The following ILDR1 variants were observed in gnomAD, a reference collection of about 807,000 sequenced individuals.
ILDR1 encodes the protein immunoglobulin-like domain-containing receptor 1.
ILDR1 carries 56 observed loss-of-function variants against 62.4 expected under a neutral mutation model. That is an observed-to-expected ratio of 0.90 (90% CI 0.72 to 1.12). The LOEUF (loss-of-function observed/expected upper bound fraction) is 1.12, where lower values mean the gene tolerates loss of function less well. Ranked by LOEUF, ILDR1 falls within the 50% of genes most tolerant of loss-of-function variation. The pLI is 0.00. For synonymous variants in ILDR1, 284 were observed against 277.8 expected, an observed-to-expected ratio of 1.02 and a Z score of -0.22; for missense variants, 736 against 710.6, an observed-to-expected ratio of 1.04 and a Z score of -0.41.
At chr3:122,029,511 A>AAAAAATAT in the ILDR1 span, among the ~76,000 whole-genome samples, 2 of 139,478 alleles carry the variant, frequency 1.4e-5, no homozygotes, top group African/African-American at 5.7e-5. Flanking sequence ...GTCTAAAAAA[A>AAAAAATAT]ATATATATAT....
chr3:122,018,084 C>T (rs1484102352), intron 1 of ILDR1, among the ~76,000 whole-genome samples: 1 of 152,162 alleles, frequency 6.6e-6, no homozygotes, highest in Non-Finnish European at 1.5e-5. Flanking sequence ...GATAGAGACA[C>T]ATGCACACAT....
the ILDR1 span, among the ~76,000 whole-genome samples, chr3:122,054,829 T>G: frequency 6.6e-6 from 1 of 152,182 alleles, no homozygotes; most frequent in East Asian, 1.9e-4. Context: ...TTTCAGAATA[T>G]TCGCTTTCAT....
chr3:122,023,502 C>T (rs1232196157), upstream of ILDR1, among the ~76,000 whole-genome samples: 3 of 152,132 alleles, frequency 2.0e-5, no homozygotes, highest in African/African-American at 4.8e-5. Context: ...TTCTCCTGAG[C>T]GCATGTCATG....
At chr3:122,045,852 T>TG in the ILDR1 span, among the ~76,000 whole-genome samples, 2 of 151,284 alleles carry the variant, frequency 1.3e-5, no homozygotes, top group Non-Finnish European at 3.0e-5. Context: ...AGCACACTGA[T>TG]GGGTCTTGAC....
chr3:121,988,977 G>A (rs539336359), intron 7 of ILDR1, among the ~76,000 whole-genome samples: 16 of 152,076 alleles, frequency 1.1e-4, no homozygotes, highest in East Asian at 1.9e-4. Flanking sequence ...CCACTTCCTC[G>A]GTGAGGGTGA....
At chr3:121,988,453 C>A in intron 7 of ILDR1, 45 bp from the exon 8 acceptor site, 1 of 1,512,266 alleles carries the variant, frequency 6.6e-7, no homozygotes, top group Non-Finnish European at 9.2e-7. Context: ...CCAGTCAGTG[C>A]AATCCGTCTA....
At chr3:122,053,920 A>G in the ILDR1 span, among the ~76,000 whole-genome samples, 1 of 152,104 alleles carries the variant, frequency 6.6e-6, no homozygotes, top group Admixed American at 6.5e-5. Flanking sequence ...ATCTCATCTT[A>G]TTTCTGATGT....
the ILDR1 span, among the ~76,000 whole-genome samples, chr3:122,045,514 G>T: frequency 6.6e-6 from 1 of 151,738 alleles, no homozygotes; most frequent in African/African-American, 2.4e-5. Context: ...TGTTGACAGT[G>T]GGGTGTTAAA....
chr3:122,013,509 G>A (rs943665851), intron 1 of ILDR1, among the ~76,000 whole-genome samples: 1 of 152,092 alleles, frequency 6.6e-6, no homozygotes, highest in African/African-American at 2.4e-5. Flanking sequence ...ATGCACACAG[G>A]TTCAATGCTA....
rs747424761 is a variant in ILDR1, at chr3:121,988,330, C to T, written c.*37G>A. ...GGTGATGCTGATGACACACAGGAGC[C>T]GAGAAGTAGCCACAGAAGTTGTGCT... On this transcript the variant is annotated 3_prime_UTR_variant, in exon 8 of 8. Transcript: ENST00000344209. 4.1e-5 allele frequency: 66 copies of T among 1,590,622 alleles called. 1 individual carries two copies. Among genetic ancestry groups the T allele is most frequent in the Middle Eastern group, 1.7e-4 (1 of 6,048 alleles).
chr3:121,988,435 A>C (rs766172555), intron 7 of ILDR1, 27 bp from the exon 8 acceptor site: 154 of 1,598,688 alleles, frequency 9.6e-5, no homozygotes, highest in Middle Eastern at 3.3e-4. Context: ...TACACACACA[A>C]AAAAAATCCA....
Position 121,988,194 on chromosome 3 carries a change from C to T in ILDR1, c.*173G>A, listed in dbSNP as rs941380433. 1.5e-6 allele frequency: 1 copy of T among 686,780 alleles called. No homozygotes were observed. Among genetic ancestry groups the T allele is most frequent in the African/African-American group, 1.8e-5 (1 of 56,646 alleles). The allele number at this position is 686,780 out of a possible 1,614,324, so 42.5% of individuals were successfully genotyped here. A position where few individuals can be genotyped will look rare whatever the true frequency, so the allele number is the denominator to read the frequency against. On this transcript the variant is annotated 3_prime_UTR_variant, in exon 8 of 8. Transcript: ENST00000344209. The stretch of plus-strand genomic sequence containing the variant: ...GTGCTGTGATTACAGGTGTGAGCCA[C>T]TATACCCAATCTCAAACTCTTGTAT...
chr3:122,017,056 A>AT (rs577725224), intron 1 of ILDR1, among the ~76,000 whole-genome samples: 1 of 150,816 alleles, frequency 6.6e-6, no homozygotes, highest in South Asian at 2.1e-4. Context: ...ATTTTATTTT[A>AT]TTTATTTATT....
chr3:122,055,570 G>T, the ILDR1 span: 1 of 1,433,176 alleles, frequency 7.0e-7, no homozygotes, highest in South Asian at 1.1e-5. Flanking sequence ...GGCTGAGGTT[G>T]AAGATGGTGC....
chr3:122,034,263 T>A, the ILDR1 span, among the ~76,000 whole-genome samples: 1 of 152,204 alleles, frequency 6.6e-6, no homozygotes, highest in Non-Finnish European at 1.5e-5. Context: ...TAATTTTCAT[T>A]GAGTTCTAGA....
the ILDR1 span, among the ~76,000 whole-genome samples, chr3:122,047,761 C>T: frequency 3.3e-5 from 5 of 152,252 alleles, no homozygotes; most frequent in African/African-American, 1.2e-4. Context: ...AATGCCTCGC[C>T]CTGCTTCGGC....
At position 121,993,668 on chromosome 3, in the gene ILDR1, G is replaced by A. The variant is rs1559870978; in HGVS notation, c.1081C>T (p.Pro361Ser). The change falls in exon 7 of 8, where the codon CCC (proline) becomes TCC (serine). Residue 361 changes from proline to serine, a missense_variant. Coordinates refer to ENST00000344209, the MANE Select transcript of ILDR1 (RefSeq NM_001199799.2). Reference sequence around the variant, plus strand: ...CTTCTCCCCTCCCTCAGATCCCAGGGCCTGGAGGGAATTGGGGTGAGCCAC... The same window carrying A: ...CTTCTCCCCTCCCTCAGATCCCAGGACCTGGAGGGAATTGGGGTGAGCCAC... Reference protein sequence around the residue: ...QQWLTPIPSRPWDLREGRSHH... With the variant: ...QQWLTPIPSRSWDLREGRSHH... 1.2e-6 allele frequency: 2 copies of A among 1,614,214 alleles called. No homozygotes were observed. The highest frequency in any genetic ancestry group is 1.7e-6 in the Non-Finnish European group (2 of 1,180,026).
At chr3:122,050,227 T>C in the ILDR1 span, among the ~76,000 whole-genome samples, 2 of 152,202 alleles carry the variant, frequency 1.3e-5, no homozygotes, top group East Asian at 3.8e-4. Context: ...AACTGTGCTA[T>C]GTCATTTGGG....
chr3:122,005,442 C>CA (rs34370755), intron 2 of ILDR1, 49 bp from the exon 3 acceptor site: 66 of 1,596,176 alleles, frequency 4.1e-5, no homozygotes, highest in Admixed American at 2.3e-4. Flanking sequence ...GGGGTTCCCA[C>CA]AAAAAAAAGG....
Sources: gnomAD v4.1 joint callset for allele counts (sites outside exome capture counted in the v4.1 genomes callset) on GRCh38, gnomAD v4.1.1 for gene constraint, MANE v1.5 for transcripts, NCBI Gene and HGNC (gene_info 2026-07-23, HGNC 2026-07-21) for gene names.